The following MCF2L2 variants were observed in gnomAD, a reference collection of about 807,000 sequenced individuals.
MCF2L2 encodes MCF.2 cell line derived transforming sequence-like 2.
MCF2L2 carries 102 observed loss-of-function variants against 150.2 expected under a neutral mutation model. The ratio of observed to expected loss-of-function variants is 0.68; its 90% confidence interval spans 0.58 to 0.80. The LOEUF (loss-of-function observed/expected upper bound fraction) is 0.80. Among genes scored for constraint, MCF2L2 ranks in the 30% least tolerant of loss-of-function variants. The pLI, the probability that MCF2L2 is intolerant of heterozygous loss-of-function variation, is 0.00. For missense variants in MCF2L2, 1,256 were observed against 1,372.8 expected, an observed-to-expected ratio of 0.91 and a Z score of 1.34; for synonymous variants, 465 against 491.3, an observed-to-expected ratio of 0.95 and a Z score of 0.71.
At chr3:183,347,814 T>G (rs1730959965) in intron 3 of MCF2L2, among the ~76,000 whole-genome samples, 1 of 152,240 alleles carries the variant, frequency 6.6e-6, no homozygotes, top group Admixed American at 6.5e-5. Context: ...TCATCATTGC[T>G]GGTCATTAGA....
chr3:183,274,708 C>A (rs1727055590), intron 15 of MCF2L2, among the ~76,000 whole-genome samples: 1 of 152,130 alleles, frequency 6.6e-6, no homozygotes, highest in African/African-American at 2.4e-5. Flanking sequence ...AGAATAGAAC[C>A]AGAGAACTCT....
At chr3:183,219,707 T>C (rs968630443) in intron 21 of MCF2L2, 149 bp downstream of exon 21, 8 of 510,202 alleles carry the variant, frequency 1.6e-5, no homozygotes, top group African/African-American at 4.0e-5. Context: ...TTTTTGTTTT[T>C]TTTCTTGACT....
intron 1 of MCF2L2, among the ~76,000 whole-genome samples, chr3:183,404,094 A>C (rs921474503): frequency 3.9e-5 from 6 of 152,192 alleles, no homozygotes; most frequent in Non-Finnish European, 8.8e-5. Flanking sequence ...TAGAATAAAA[A>C]AACCTTCTAT....
At chr3:183,238,995 CAAAAAAAAAAAAAAAAAAA>C (rs60736939) in intron 15 of MCF2L2, among the ~76,000 whole-genome samples, 1 of 88,866 alleles carries the variant, frequency 1.1e-5, no homozygotes, top group Non-Finnish European at 2.5e-5. Flanking sequence ...ATATCCGTCT[CAAAAAAAAAAAAAAAAAAA>C]AAAAGACTCT....
rs901284699 is a variant in MCF2L2, at chr3:183,181,894, G to A, written c.3017-1735C>T. Among the ~76,000 whole-genome samples the A allele has an allele frequency of 5.3e-5, 8 of 152,182 alleles. No homozygotes were observed. Among genetic ancestry groups the A allele is most frequent in the African/African-American group, 1.9e-4 (8 of 41,440 alleles). ...AGGCGACACAGGAACTGAAAAACCT[G>A]ACAAGCTCTAGCCCCTCCGCAGGGT... is the stretch of plus-strand genomic sequence containing the variant. On this transcript the variant is annotated intron_variant, in intron 27 of 29. Transcript: ENST00000328913. The surrounding 1 kb of genome is among the most constrained non-coding windows in gnomAD (Gnocchi z 4.3).
chr3:183,406,152 A>G (rs1291322468), intron 1 of MCF2L2, among the ~76,000 whole-genome samples: 1 of 152,238 alleles, frequency 6.6e-6, no homozygotes, highest in African/African-American at 2.4e-5. Flanking sequence ...TTAACTTTAT[A>G]AGACACTGCC....
At chr3:183,255,575 C>T (rs1006864088) in intron 15 of MCF2L2, among the ~76,000 whole-genome samples, 1 of 152,158 alleles carries the variant, frequency 6.6e-6, no homozygotes, top group African/African-American at 2.4e-5. Flanking sequence ...AGTGTTATCA[C>T]AGGAAAGGCC....
intron 3 of MCF2L2, among the ~76,000 whole-genome samples, chr3:183,369,476 C>A (rs1263601786): frequency 6.6e-6 from 1 of 152,104 alleles, no homozygotes; most frequent in Non-Finnish European, 1.5e-5. Context: ...GCTAATGCTG[C>A]CATTTTTTTG....
rs1286953421 is a variant in MCF2L2 at position 183,267,138 on chromosome 3, A to AAC, written c.1862+9732_1862+9733dup. Among the ~76,000 whole-genome samples the AAC allele has an allele frequency of 6.6e-5, 10 of 151,934 alleles. No individual in the cohort carries two copies. The highest frequency in any genetic ancestry group is 4.2e-4 in the South Asian group (2 of 4,812). ...CAACACATTTCCCATTACACCCCTG[A>AAC]ACACACACACACAGAAAACCCAAAA... On this transcript the variant is annotated intron_variant, in intron 15 of 29. Coordinates refer to ENST00000328913, the MANE Select transcript of MCF2L2 (RefSeq NM_015078.4). The surrounding 1 kb of genome is among the most constrained non-coding windows in gnomAD (Gnocchi z 5.5).
chr3:183,409,975 C>CT (rs1375004527), intron 1 of MCF2L2, among the ~76,000 whole-genome samples: 1 of 152,188 alleles, frequency 6.6e-6, no homozygotes, highest in Non-Finnish European at 1.5e-5. Flanking sequence ...TGCCTTCAAG[C>CT]TTGAGGTCAT....
At chr3:183,295,194 A>G in intron 13 of MCF2L2, 106 bp downstream of exon 13, 1 of 1,170,096 alleles carries the variant, frequency 8.5e-7, no homozygotes, top group Non-Finnish European at 1.2e-6. Flanking sequence ...TTTAAATAGT[A>G]TCTGTTAAAA....
intron 15 of MCF2L2, among the ~76,000 whole-genome samples, chr3:183,263,430 A>G (rs1291215634): frequency 6.6e-6 from 1 of 152,106 alleles, no homozygotes; most frequent in Non-Finnish European, 1.5e-5. Context: ...CCCCACTTAG[A>G]GCTCCAAGAC....
chr3:183,392,722 C>A (rs532979723), intron 1 of MCF2L2, among the ~76,000 whole-genome samples: 1 of 152,168 alleles, frequency 6.6e-6, no homozygotes, highest in South Asian at 2.1e-4. Flanking sequence ...ATACACCCAG[C>A]CTTCAGTTGC....
chr3:183,263,809 A>C (rs1208996762), intron 15 of MCF2L2, among the ~76,000 whole-genome samples: 1 of 152,132 alleles, frequency 6.6e-6, no homozygotes, highest in Non-Finnish European at 1.5e-5. Context: ...GTAATGCTTG[A>C]AATTAGCTCT....
At chr3:183,323,689 T>G (rs911274630) in intron 5 of MCF2L2, among the ~76,000 whole-genome samples, 2 of 151,700 alleles carry the variant, frequency 1.3e-5, no homozygotes, top group Admixed American at 1.3e-4. Flanking sequence ...CCCCAGCTAC[T>G]TGGGTGGCTA....
At chr3:183,328,919 A>G (rs1730157792) in intron 5 of MCF2L2, among the ~76,000 whole-genome samples, 1 of 152,216 alleles carries the variant, frequency 6.6e-6, no homozygotes, top group African/African-American at 2.4e-5. Flanking sequence ...AAATAAATAC[A>G]TGAAAAGAGG....
At chr3:183,223,201 G>A (rs1047386679) in intron 20 of MCF2L2, 145 bp downstream of exon 20, 40 of 610,260 alleles carry the variant, frequency 6.6e-5, no homozygotes, top group African/African-American at 6.5e-4. Flanking sequence ...CTGATTTAGA[G>A]TTGGAGGAAA....
At chr3:183,189,143 A>G (rs533111485) in intron 27 of MCF2L2, among the ~76,000 whole-genome samples, 1 of 152,326 alleles carries the variant, frequency 6.6e-6, no homozygotes, top group East Asian at 1.9e-4. Context: ...TCTTGAAGAC[A>G]TGGAGCCCTC....
At chr3:183,331,513 C>A (rs1170398251) in intron 5 of MCF2L2, among the ~76,000 whole-genome samples, 3 of 152,184 alleles carry the variant, frequency 2.0e-5, no homozygotes, top group Non-Finnish European at 4.4e-5. Flanking sequence ...TCTATAGATG[C>A]TTAAAACCGT....
Sources: allele counts gnomAD v4.1 joint callset (sites outside exome capture counted in the v4.1 genomes callset), GRCh38; gene constraint gnomAD v4.1.1; non-coding constraint Gnocchi (gnomAD v3.1); transcripts MANE v1.5; gene names NCBI Gene and HGNC (gene_info 2026-07-23, HGNC 2026-07-21).